The following AMBRA1 variants were observed in gnomAD, a reference collection of about 807,000 sequenced individuals.
AMBRA1 encodes the protein activating molecule in BECN1-regulated autophagy protein 1.
Under a neutral mutation model 125.4 loss-of-function variants are expected in AMBRA1, and 47 were observed. The ratio of observed to expected loss-of-function variants is 0.37; its 90% CI spans 0.30 to 0.48. The LOEUF (loss-of-function observed/expected upper bound fraction) is 0.48, where lower values mean the gene tolerates loss of function less well. Among genes scored for constraint, AMBRA1 ranks in the 20% least tolerant of loss-of-function variants. AMBRA1 has a pLI of 0.99. For missense variants in AMBRA1, 1,331 were observed against 1,693.4 expected (o/e 0.79, Z 3.76); for synonymous variants, 626 against 655.5 (o/e 0.95, Z 0.69).
intron 12 of AMBRA1, among the ~76,000 whole-genome samples, chr11:46,438,545 AC>A (rs770170975): frequency 2.6e-5 from 4 of 152,106 alleles, no homozygotes; most frequent in Non-Finnish European, 5.9e-5. Context: ...GATTTGGAAA[AC>A]CCAAGGGGGG....
chr11:46,485,242 G>A (rs1369833099), intron 11 of AMBRA1, among the ~76,000 whole-genome samples: 1 of 152,012 alleles, frequency 6.6e-6, no homozygotes, highest in Non-Finnish European at 1.5e-5. Flanking sequence ...CCGGCCTCAA[G>A]AAGCCCAAAC....
chr11:46,439,624 A>T (rs1947904787), intron 12 of AMBRA1, among the ~76,000 whole-genome samples: 1 of 152,200 alleles, frequency 6.6e-6, no homozygotes, highest in Non-Finnish European at 1.5e-5. Context: ...AAGGAACCAT[A>T]AAAGGAAAGT....
At chr11:46,416,215 TAAGAA>T (rs1242303342) in intron 15 of AMBRA1, among the ~76,000 whole-genome samples, 4 of 152,140 alleles carry the variant, frequency 2.6e-5, no homozygotes, top group African/African-American at 7.2e-5. Context: ...TATGAACTGT[TAAGAA>T]AAGAGATAAG....
chr11:46,497,105 T>C (rs1009426331), intron 9 of AMBRA1, among the ~76,000 whole-genome samples: 1 of 151,688 alleles, frequency 6.6e-6, no homozygotes, highest in African/African-American at 2.4e-5. Flanking sequence ...GGCAAGACTC[T>C]GTCTCAAAAA....
intron 11 of AMBRA1, among the ~76,000 whole-genome samples, chr11:46,488,888 C>T (rs1431408630): frequency 6.6e-6 from 1 of 151,988 alleles, no homozygotes; most frequent in Non-Finnish European, 1.5e-5. Context: ...GAAGTGACAC[C>T]GTTCAGTAAA....
chr11:46,447,639 G>A (rs1259941370), intron 11 of AMBRA1, among the ~76,000 whole-genome samples: 1 of 152,166 alleles, frequency 6.6e-6, no homozygotes, highest in African/African-American at 2.4e-5. Flanking sequence ...GAGTCTGGAA[G>A]GTGGAGGTTG....
chr11:46,486,017 T>C (rs921225174), intron 11 of AMBRA1, among the ~76,000 whole-genome samples: 3 of 152,234 alleles, frequency 2.0e-5, no homozygotes, highest in Admixed American at 6.5e-5. Flanking sequence ...GGAGGAGTAC[T>C]GCATTTACTT....
At chr11:46,401,326 C>A (rs2136584629) in intron 17 of AMBRA1, among the ~76,000 whole-genome samples, 1 of 152,334 alleles carries the variant, frequency 6.6e-6, no homozygotes, top group African/African-American at 2.4e-5. Flanking sequence ...CTGCAACCTC[C>A]ACTTCCCGGG....
chr11:46,410,751 C>T (rs1354593103), intron 15 of AMBRA1, among the ~76,000 whole-genome samples: 1 of 152,210 alleles, frequency 6.6e-6, no homozygotes, highest in Non-Finnish European at 1.5e-5. Context: ...GTGAGGCCCA[C>T]TGGAGAGATA....
At chr11:46,585,698 ATATATATATAT>A (rs2044366704) in intron 1 of AMBRA1, among the ~76,000 whole-genome samples, 31 of 47,270 alleles carry the variant, frequency 6.6e-4, no homozygotes, top group Non-Finnish European at 9.9e-4. Context: ...AAAAAAAAAT[ATATATATATAT>A]ATATATATAT....
At chr11:46,483,340 C>T (rs1950145942) in intron 11 of AMBRA1, among the ~76,000 whole-genome samples, 1 of 152,192 alleles carries the variant, frequency 6.6e-6, no homozygotes. Flanking sequence ...AGTTTCTTTC[C>T]CCATCATGGC....
intron 11 of AMBRA1, among the ~76,000 whole-genome samples, chr11:46,459,528 T>C (rs963514856): frequency 2.0e-5 from 3 of 152,122 alleles, no homozygotes; most frequent in African/African-American, 4.8e-5. Context: ...CTGGCCAACA[T>C]GGTGAAACCC....
intron 1 of AMBRA1, among the ~76,000 whole-genome samples, chr11:46,573,110 A>C (rs2043824061): frequency 6.6e-6 from 1 of 151,408 alleles, no homozygotes; most frequent in Non-Finnish European, 1.5e-5. Flanking sequence ...TCAAAAAAAA[A>C]AAAAAGGATT....
intron 17 of AMBRA1, among the ~76,000 whole-genome samples, chr11:46,400,808 C>T (rs1945716433): frequency 6.6e-6 from 1 of 152,062 alleles, no homozygotes; most frequent in Non-Finnish European, 1.5e-5. Flanking sequence ...CGATCTTCCT[C>T]AGCATTATGT....
intron 1 of AMBRA1, among the ~76,000 whole-genome samples, chr11:46,569,926 A>G (rs1487170307): frequency 2.0e-5 from 3 of 152,046 alleles, no homozygotes; most frequent in African/African-American, 7.2e-5. Context: ...GCACCACTGC[A>G]CTCCAGCCTG....
chr11:46,436,102 A>C (rs1287061196), intron 12 of AMBRA1, among the ~76,000 whole-genome samples: 1 of 152,204 alleles, frequency 6.6e-6, no homozygotes, highest in Non-Finnish European at 1.5e-5. Flanking sequence ...TTTGAAGGAG[A>C]TGTCCACTGT....
intron 9 of AMBRA1, among the ~76,000 whole-genome samples, chr11:46,500,389 A>G (rs964986146): frequency 1.3e-5 from 2 of 152,226 alleles, no homozygotes; most frequent in Non-Finnish European, 2.9e-5. Context: ...AAGCCCTCAG[A>G]CAATCAATAC....
At chr11:46,462,215 A>T (rs570497190) in intron 11 of AMBRA1, among the ~76,000 whole-genome samples, 55 of 152,322 alleles carry the variant, frequency 3.6e-4, no homozygotes, top group Non-Finnish European at 7.3e-4. Context: ...TAAACAAGTG[A>T]GCACGGCGGT....
At chr11:46,442,405 A>C (rs139410825) in intron 12 of AMBRA1, among the ~76,000 whole-genome samples, 44 of 152,058 alleles carry the variant, frequency 2.9e-4, no homozygotes, top group African/African-American at 8.9e-4. Context: ...AGCCTCCTAA[A>C]GTGCTGAGAT....
Sources: allele counts gnomAD v4.1 joint callset (sites outside exome capture counted in the v4.1 genomes callset), GRCh38; gene constraint gnomAD v4.1.1; transcripts MANE v1.5; gene names NCBI Gene and HGNC (gene_info 2026-07-23, HGNC 2026-07-21).